PLCD4: variants seen among roughly 807,000 people sequenced by gnomAD.
PLCD4 encodes the protein 1-phosphatidylinositol 4,5-bisphosphate phosphodiesterase delta-4.
PLCD4 carries 63 observed loss-of-function variants against 90.2 expected under a neutral mutation model. The ratio of observed to expected loss-of-function variants is 0.70; its 90% CI spans 0.57 to 0.86. PLCD4 has a LOEUF of 0.86. Ranked by LOEUF, PLCD4 falls within the 40% of genes least tolerant of loss-of-function variation. The pLI is 0.00. For missense variants in PLCD4, 830 were observed against 956.3 expected (o/e 0.87, Z 1.74); for synonymous variants, 294 against 356.5 (o/e 0.82, Z 1.97).
intron 1 of PLCD4, among the ~76,000 whole-genome samples, chr2:218,614,770 G>A (rs1695504916): frequency 6.6e-6 from 1 of 151,934 alleles, no homozygotes; most frequent in African/African-American, 2.4e-5. Context: ...TATCTTAAAA[G>A]AGGTACCCTT....
intron 4 of PLCD4, among the ~76,000 whole-genome samples, chr2:218,620,122 C>T (rs1186727705): frequency 3.3e-5 from 5 of 152,210 alleles, no homozygotes; most frequent in Non-Finnish European, 7.3e-5. Flanking sequence ...TCAAGTGGTC[C>T]ATCCACCTCA....
intron 3 of PLCD4, among the ~76,000 whole-genome samples, chr2:218,616,909 TATATATATATATATATATAGAGAGAGAG>T (rs1695610894): frequency 5.2e-5 from 1 of 19,120 alleles, no homozygotes; most frequent in African/African-American, 1.6e-4. Flanking sequence ...TATATATATA[TATATATATATATATATATAGAGAGAGAG>T]AGAGAGAGAG....
chr2:218,617,298 T>C (rs922176885), intron 3 of PLCD4, among the ~76,000 whole-genome samples: 94 of 146,220 alleles, frequency 6.4e-4, no homozygotes, highest in African/African-American at 1.9e-3. Flanking sequence ...AAAATGCGGC[T>C]GGGTGTGGTG....
In PLCD4 at chr2:218,634,628, C is replaced by T. The variant is rs754508585; in HGVS notation, c.1894C>T (p.Gln632Ter). 12 of 1,613,218 alleles carry T rather than the reference C, an allele frequency of 7.4e-6. No homozygotes were observed. In the South Asian group the frequency reaches 1.1e-4, roughly 15 times the overall value. The change falls in exon 13 of 16, where the codon CAG becomes TAG. Residue 632 changes from glutamine to a stop codon, truncating the protein, a stop_gained and splice_region_variant. Coordinates refer to ENST00000450993, the MANE Select transcript of PLCD4 (RefSeq NM_032726.4). LOFTEE classifies it high-confidence loss of function. The surrounding 1 kb of genome is among the most constrained non-coding windows in gnomAD (Gnocchi z 4.0). ...SPFKAQTLLI[Q>*]VISGQQLPKV... Reference sequence around the variant, plus strand: ...TTTCAAAGCCCAGACTCTCTTAATCCAGGTACAGTGGAAATAAACTGTTGG... The same window carrying T: ...TTTCAAAGCCCAGACTCTCTTAATCTAGGTACAGTGGAAATAAACTGTTGG...
In PLCD4 at chr2:218,634,575, C is replaced by G. The variant is rs1162901802; in HGVS notation, c.1841C>G (p.Ser614Cys). The G allele has an allele frequency of 6.2e-7, 1 of 1,614,076 alleles. No individual in the cohort carries two copies. Among genetic ancestry groups the G allele is most frequent in the Non-Finnish European group, 8.5e-7 (1 of 1,179,904 alleles). ...GACTTCCTGCGTGATATCCAGAGTT[C>G]TTTCCACCCTGAGAAGCCCATCAGC... ...KPDFLRDIQS[S>C]FHPEKPISPF... The change falls in exon 13 of 16, where the codon TCT becomes TGT. Residue 614 changes from serine to cysteine, a missense_variant. Ser to Cys is a moderately radical substitution (Grantham distance 112). Coordinates refer to ENST00000450993, the MANE Select transcript of PLCD4 (RefSeq NM_032726.4). The surrounding 1 kb of genome is among the most constrained non-coding windows in gnomAD (Gnocchi z 4.0).
At chr2:218,612,859 T>A (rs1695404983) in intron 1 of PLCD4, among the ~76,000 whole-genome samples, 1 of 152,174 alleles carries the variant, frequency 6.6e-6, no homozygotes, top group Admixed American at 6.5e-5. Flanking sequence ...CCTGAAGGCT[T>A]AGTCACTACT....
chr2:218,612,392 A>G (rs1695378772), intron 1 of PLCD4, among the ~76,000 whole-genome samples: 2 of 152,280 alleles, frequency 1.3e-5, no homozygotes, highest in South Asian at 2.1e-4. Context: ...AGCCAGCAAA[A>G]TCTTTTCTTC....
chr2:218,636,455 C>T lies in PLCD4; in HGVS notation c.2183-16C>T, dbSNP rs749023385. ...CTCTGGCTGCCTTCCTAATGCTGTC[C>T]TCCTGCCCCTTCCAGGTTACCGCCA... is the stretch of plus-strand genomic sequence containing the variant. On this transcript the variant is annotated splice_polypyrimidine_tract_variant and intron_variant, in intron 15 of 15. Coordinates refer to ENST00000450993, the MANE Select transcript of PLCD4 (RefSeq NM_032726.4). 74 of 1,613,908 alleles carry T rather than the reference C, an allele frequency of 4.6e-5. 2 individuals are homozygous for T. Among genetic ancestry groups the T allele is most frequent in the South Asian group, 4.4e-4 (40 of 91,078 alleles).
At chr2:218,632,423 C>A in intron 10 of PLCD4, 111 bp downstream of exon 10, 2 of 1,092,946 alleles carry the variant, frequency 1.8e-6, no homozygotes. Context: ...AGCAATGACC[C>A]TTCCTCCCAA....
At chr2:218,636,440 C>T (rs1696759260) in intron 15 of PLCD4, 31 bp from the exon 16 acceptor site, 4 of 1,614,030 alleles carry the variant, frequency 2.5e-6, no homozygotes, top group Admixed American at 3.3e-5. Flanking sequence ...CTCTGGCTGC[C>T]TTCCTAATGC....
At chr2:218,632,506 G>A (rs946055723) in intron 10 of PLCD4, among the ~76,000 whole-genome samples, 194 bp downstream of exon 10, 2 of 152,078 alleles carry the variant, frequency 1.3e-5, no homozygotes, top group Admixed American at 1.3e-4. Flanking sequence ...ATGTTGCAGT[G>A]GCTTTCCAAC....
At position 218,622,841 on chromosome 2, in the gene PLCD4, T is replaced by A. The variant is rs749911408; in HGVS notation, c.735T>A (p.Ala245=). ...QKERDCTSEL[A]LELIDRYEPS... The stretch of plus-strand genomic sequence containing the variant: ...AGAGAGACTGCACCTCTGAGCTTGC[T>A]CTGGAACTCATTGACCGCTATGAAC... The change falls in exon 6 of 16, where the codon GCT becomes GCA. Residue 245 remains alanine (A), a synonymous_variant. Transcript: ENST00000450993. 1 of 1,614,026 alleles carries A rather than the reference T, an allele frequency of 6.2e-7. No homozygotes were observed. Among genetic ancestry groups the A allele is most frequent in the Non-Finnish European group, 8.5e-7 (1 of 1,179,892 alleles).
intron 3 of PLCD4, among the ~76,000 whole-genome samples, chr2:218,617,631 A>C (rs1240344160): frequency 6.6e-6 from 1 of 152,088 alleles, no homozygotes; most frequent in East Asian, 1.9e-4. Context: ...TTATTGGCCA[A>C]ACTCTTTATG....
chr2:218,622,697 G>C lies in PLCD4; in HGVS notation c.591G>C (p.Gln197His). The change falls in exon 6 of 16, where the codon CAG (glutamine) becomes CAC (histidine). Residue 197 changes from glutamine to histidine, a missense_variant. By Grantham distance (24) the Gln-to-His change is conservative. Transcript: ENST00000450993. Reference protein sequence around the residue: ...SGTLEGEEFVQFYKALTKRAE... With the variant: ...SGTLEGEEFVHFYKALTKRAE... ...CCCTGGAAGGAGAAGAATTCGTACA[G>C]TTCTATAAGGCATTGACTAAACGTG... 1 of 1,614,034 alleles carries C rather than the reference G, an allele frequency of 6.2e-7. No homozygotes were observed. The highest frequency in any genetic ancestry group is 8.5e-7 in the Non-Finnish European group (1 of 1,179,904).
chr2:218,632,877 G>A (rs1379207661), intron 10 of PLCD4, among the ~76,000 whole-genome samples: 1 of 152,200 alleles, frequency 6.6e-6, no homozygotes, highest in Admixed American at 6.6e-5. Context: ...AAGGCTCTGA[G>A]AAGGCTGTGC....
rs116570987 is a variant in PLCD4 at position 218,631,526 on chromosome 2, T to C, written c.1273-610T>C. 5.7e-3 allele frequency among the ~76,000 whole-genome samples: 862 copies of C among 152,220 alleles called. 8 individuals are homozygous for C. Among genetic ancestry groups the C allele is most frequent in the African/African-American group, 0.019 (793 of 41,552 alleles). On this transcript the variant is annotated intron_variant, in intron 9 of 15. Coordinates refer to ENST00000450993, the MANE Select transcript of PLCD4 (RefSeq NM_032726.4). ...GGTAAGATTATTCAGGCCAGGCACG[T>C]TGGTTCATGCCTCTAATCCCAGCAC...
At chr2:218,617,158 G>A (rs1406751698) in intron 3 of PLCD4, among the ~76,000 whole-genome samples, 1 of 145,296 alleles carries the variant, frequency 6.9e-6, no homozygotes, top group African/African-American at 2.5e-5. Context: ...TAGAGGCGGG[G>A]TTTCACTGTG....
chr2:218,613,366 G>A (rs1695428581), intron 1 of PLCD4, among the ~76,000 whole-genome samples: 2 of 141,518 alleles, frequency 1.4e-5, no homozygotes, highest in African/African-American at 5.3e-5. Flanking sequence ...ACTCCAGCCT[G>A]GGTAATAAGA....
At position 218,615,739 on chromosome 2, in the gene PLCD4, G is replaced by A. The variant is rs561106977; in HGVS notation, c.-1G>A. ...GGTGCCAGCTGGTGGAACAGTGGGT[G>A]ATGGCGTCCCTGCTGCAAGACCGTG... is the stretch of plus-strand genomic sequence containing the variant. On this transcript the variant is annotated 5_prime_UTR_variant, in exon 2 of 16. Coordinates refer to ENST00000450993, the MANE Select transcript of PLCD4 (RefSeq NM_032726.4). 1 of 1,606,458 alleles carries A rather than the reference G, an allele frequency of 6.2e-7. No homozygotes were observed. Among genetic ancestry groups the A allele is most frequent in the South Asian group, 1.1e-5 (1 of 89,636 alleles).
Sources: gnomAD v4.1 joint callset for allele counts (sites outside exome capture counted in the v4.1 genomes callset) on GRCh38, gnomAD v4.1.1 for gene constraint, Gnocchi (gnomAD v3.1) non-coding constraint, MANE v1.5 for transcripts, NCBI Gene and HGNC (gene_info 2026-07-23, HGNC 2026-07-21) for gene names.